Variants in CHAF1A observed in about 807,000 individuals in gnomAD.
CHAF1A encodes CAF-1 subunit A.
In CHAF1A, 5 loss-of-function variants were observed where a neutral mutation model predicts 93.2. The ratio of observed to expected loss-of-function variants is 0.05; its 90% CI spans 0.03 to 0.11. The LOEUF is 0.11. CHAF1A is among the 10% of genes least tolerant of loss of function. The pLI is 1.00. For missense variants in CHAF1A, 1,102 were observed against 1,259.9 expected (o/e 0.87, Z 1.90); for synonymous variants, 504 against 510.3 (o/e 0.99, Z 0.17).
rs955986368 is a variant in CHAF1A, at chr19:4,433,822, G to A, written c.2673+283G>A. 5.3e-5 allele frequency among the ~76,000 whole-genome samples: 8 copies of A among 151,938 alleles called. No individual in the cohort carries two copies. The highest frequency in any genetic ancestry group is 1.3e-4 in the Admixed American group (2 of 15,256). ...TCACCATGTTGGTCAGGCTGGTCTC[G>A]AACTCCTGACCTCATGATCCGTCTG... On this transcript the variant is annotated intron_variant, in intron 13 of 14. Transcript: ENST00000301280. This position sits in a 1 kb window ranked among gnomAD's most constrained non-coding sequence, Gnocchi z 5.6.
At chr19:4,436,869 G>C (rs757220398) in intron 13 of CHAF1A, among the ~76,000 whole-genome samples, 4 of 152,160 alleles carry the variant, frequency 2.6e-5, no homozygotes, top group Non-Finnish European at 5.9e-5. Context: ...CCGGAAAATA[G>C]CGCCCTGAGC....
chr19:4,442,983 C>T lies in CHAF1A; in HGVS notation c.2829C>T (p.Thr943=), dbSNP rs183597072. ...CTGGGGGTGGTGTGGGGGTGGACAC[C>T]GGCAAGGCCACCCTGACCGCGAGCC... ...SGAGGGVGVD[T]GKATLTASPL... The change falls in exon 15 of 15, where the codon ACC becomes ACT. Residue 943 remains threonine, a synonymous_variant. Coordinates refer to ENST00000301280, the MANE Select transcript of CHAF1A (RefSeq NM_005483.3). 13 of 1,603,822 alleles carry T rather than the reference C, an allele frequency of 8.1e-6. No homozygotes were observed. Among genetic ancestry groups the T allele is most frequent in the East Asian group, 2.2e-5 (1 of 44,532 alleles).
chr19:4,445,718 C>A, downstream of CHAF1A: 1 of 1,535,976 alleles, frequency 6.5e-7, no homozygotes, highest in Non-Finnish European at 8.7e-7. Context: ...GATGCCCCGG[C>A]CTGGAAGCCA....
intron 6 of CHAF1A, 110 bp downstream of exon 6, chr19:4,423,505 C>G (rs1974027173): frequency 2.6e-6 from 4 of 1,563,656 alleles, no homozygotes; most frequent in Non-Finnish European, 3.5e-6. Flanking sequence ...TTTGGGGAAA[C>G]CAAATGGCGC....
chr19:4,449,084 G>A (rs1199894620), downstream of CHAF1A: 1 of 154,012 alleles, frequency 6.5e-6, no homozygotes, highest in Non-Finnish European at 1.4e-5. Flanking sequence ...CCTGCTGACT[G>A]CGAACAGCGT....
chr19:4,419,741 T>C (rs1319358134), intron 4 of CHAF1A, among the ~76,000 whole-genome samples: 2 of 152,142 alleles, frequency 1.3e-5, no homozygotes, highest in African/African-American at 2.4e-5. Context: ...TGATTTTTAT[T>C]TTTACAGTTT....
At chr19:4,432,264 GC>G (rs1974199343) in intron 12 of CHAF1A, 57 bp downstream of exon 12, 5 of 1,531,098 alleles carry the variant, frequency 3.3e-6, no homozygotes, top group Non-Finnish European at 4.4e-6. Flanking sequence ...TAATTCCAGG[GC>G]TGAGGGCAAG....
At chr19:4,446,997 C>T, downstream of CHAF1A, 1 of 1,456,576 alleles carries the variant, frequency 6.9e-7, no homozygotes, top group South Asian at 1.2e-5. Context: ...AGTCCAGGGG[C>T]CCGGCTCTCG....
intron 10 of CHAF1A, 48 bp from the exon 11 acceptor site, chr19:4,430,501 C>A: frequency 7.6e-7 from 1 of 1,314,512 alleles, no homozygotes; most frequent in Non-Finnish European, 1.1e-6. Flanking sequence ...ATAAGGCACA[C>A]ACTCTGCTTT....
In CHAF1A at chr19:4,424,948, T is replaced by A. The variant is rs558998649; in HGVS notation, c.1377+1074T>A. 3.5e-4 allele frequency among the ~76,000 whole-genome samples: 53 copies of A among 152,354 alleles called. 2 individuals are homozygous for A. The East Asian group carries it at 0.01, about 29-fold the overall frequency. Reference sequence around the variant, plus strand: ...CCGTGCCCGGCCTAATTTTTTAATTTTTTTTTGTAGAGACTGGGTTTTGCT... The same window carrying A: ...CCGTGCCCGGCCTAATTTTTTAATTATTTTTTGTAGAGACTGGGTTTTGCT... On this transcript the variant is annotated intron_variant, in intron 7 of 14. Coordinates refer to ENST00000301280, the MANE Select transcript of CHAF1A (RefSeq NM_005483.3).
intron 2 of CHAF1A, among the ~76,000 whole-genome samples, chr19:4,406,296 C>T (rs1031955008): frequency 2.0e-5 from 3 of 152,208 alleles, no homozygotes; most frequent in Admixed American, 6.5e-5. Flanking sequence ...TATCTCTATA[C>T]GTGGCTGATG....
At chr19:4,447,687 C>T, downstream of CHAF1A, 3 of 1,544,278 alleles carry the variant, frequency 1.9e-6, no homozygotes, top group South Asian at 1.1e-5. Context: ...CCCCTCTGTG[C>T]CTCCTGCTCC....
Position 4,433,384 on chromosome 19 carries a change from A to T in CHAF1A, c.2518A>T (p.Ser840Cys), listed in dbSNP as rs372641333. 6.2e-7 allele frequency: 1 copy of T among 1,612,876 alleles called. No homozygotes were observed. The highest frequency in any genetic ancestry group is 8.5e-7 in the Non-Finnish European group (1 of 1,179,026). ...GCACCTGCCCGTGCCGTGCCAGTGG[A>T]GCTATGTGACATCGGTGCCCTCGGC... Reference protein sequence around the residue: ...QEHLPVPCQWSYVTSVPSAPK... With the variant: ...QEHLPVPCQWCYVTSVPSAPK... The change falls in exon 13 of 15, where the codon AGC becomes TGC. Residue 840 changes from serine to cysteine, a missense_variant. Physicochemically the swap from Ser to Cys is moderately radical, Grantham distance 112. Around this residue, in one of 6 missense-constraint regions of CHAF1A, gnomAD observed 76 missense variants for 129.8 expected, o/e 0.59. Transcript: ENST00000301280. The surrounding 1 kb of genome is among the most constrained non-coding windows in gnomAD (Gnocchi z 5.6).
Position 4,402,679 on chromosome 19 carries a change from G to GGCGCT in CHAF1A, c.-83_-82insCGCTG. On this transcript the variant is annotated 5_prime_UTR_variant, in exon 1 of 15. Coordinates refer to ENST00000301280, the MANE Select transcript of CHAF1A (RefSeq NM_005483.3). ...GCGGCCGCGGCGGCAGCAGCGGCGC[G>GGCGCT]GGCGGGAGGGCGAAGAGCAGCGGCC... is the stretch of plus-strand genomic sequence containing the variant. 1 of 735,828 alleles carries GGCGCT rather than the reference G, an allele frequency of 1.4e-6. No homozygotes were observed. The highest frequency in any genetic ancestry group is 1.8e-6 in the Non-Finnish European group (1 of 552,418). 45.6% of individuals were successfully genotyped at this position (735,828 alleles called of 1,614,324 possible). A position where few individuals can be genotyped will look rare whatever the true frequency, so the allele number is the denominator to read the frequency against.
At chr19:4,411,441 A>T (rs541344483) in intron 3 of CHAF1A, among the ~76,000 whole-genome samples, 1 of 151,928 alleles carries the variant, frequency 6.6e-6, no homozygotes, top group African/African-American at 2.4e-5. Flanking sequence ...TGATGGCCAG[A>T]CTGATTTCAA....
chr19:4,447,312 G>A, downstream of CHAF1A: 1 of 581,860 alleles, frequency 1.7e-6, no homozygotes, highest in African/African-American at 1.9e-5. Flanking sequence ...CTGAAGAGGA[G>A]GAAAAGGATG....
chr19:4,449,203 C>A, downstream of CHAF1A: 1 of 153,318 alleles, frequency 6.5e-6, no homozygotes, highest in Non-Finnish European at 1.5e-5. Context: ...CAGAGAGCCA[C>A]CCATGGCCTG....
intron 13 of CHAF1A, among the ~76,000 whole-genome samples, chr19:4,434,992 C>A (rs1974255350): frequency 6.6e-6 from 1 of 152,144 alleles, no homozygotes; most frequent in African/African-American, 2.4e-5. Flanking sequence ...GGCACCCACC[C>A]CTGGCCATAG....
intron 4 of CHAF1A, among the ~76,000 whole-genome samples, chr19:4,420,696 T>A (rs1973976517): frequency 6.6e-6 from 1 of 152,088 alleles, no homozygotes; most frequent in Non-Finnish European, 1.5e-5. Context: ...AATCCCACAC[T>A]TTGGGAGGCC....
Sources: gnomAD v4.1 joint callset for allele counts (sites outside exome capture counted in the v4.1 genomes callset) on GRCh38, gnomAD v4.1.1 for gene constraint, gnomAD v4.1.1 regional missense constraint, Gnocchi (gnomAD v3.1) non-coding constraint, MANE v1.5 for transcripts, NCBI Gene and HGNC (gene_info 2026-07-23, HGNC 2026-07-21) for gene names.